The following DNAAF11 variants were observed in gnomAD, a reference collection of about 807,000 sequenced individuals.
DNAAF11 encodes dynein axonemal assembly factor 11, also known as leucine rich repeat containing 6.
In DNAAF11, 45 loss-of-function variants were observed where a neutral mutation model predicts 60.8. The ratio of observed to expected loss-of-function variants is 0.74; its 90% CI spans 0.58 to 0.95. The LOEUF (loss-of-function observed/expected upper bound fraction) is 0.95, where lower values mean the gene tolerates loss of function less well. Among genes scored for constraint, DNAAF11 ranks in the 40% least tolerant of loss-of-function variants. The pLI is 0.00. For synonymous variants in DNAAF11, 191 were observed against 183.5 expected, an observed-to-expected ratio of 1.04 and a Z score of -0.33; for missense variants, 546 against 546.2, an observed-to-expected ratio of 1.00 and a Z score of 0.00.
At chr8:132,612,571 T>C (rs537712362) in intron 8 of DNAAF11, among the ~76,000 whole-genome samples, 1 of 152,240 alleles carries the variant, frequency 6.6e-6, no homozygotes, top group South Asian at 2.1e-4. Context: ...ACTGTCCCTC[T>C]CCTTGACAGC....
chr8:132,670,359 T>A (rs1225736533), intron 1 of DNAAF11, among the ~76,000 whole-genome samples: 1 of 152,146 alleles, frequency 6.6e-6, no homozygotes, highest in Non-Finnish European at 1.5e-5. Flanking sequence ...TTTATGCCAA[T>A]AAATTCAAGA....
chr8:132,680,519 A>G (rs531269798), upstream of DNAAF11, among the ~76,000 whole-genome samples: 1 of 151,936 alleles, frequency 6.6e-6, no homozygotes, highest in Non-Finnish European at 1.5e-5. Context: ...TTATTTTTTT[A>G]TGATATGTAA....
intron 10 of DNAAF11, among the ~76,000 whole-genome samples, chr8:132,599,691 A>G (rs1817397962): frequency 6.6e-6 from 1 of 152,246 alleles, no homozygotes; most frequent in African/African-American, 2.4e-5. Flanking sequence ...TTATCTCAAT[A>G]GATGCAGAAA....
chr8:132,634,577 C>G (rs1288551175), intron 4 of DNAAF11, among the ~76,000 whole-genome samples: 1 of 151,564 alleles, frequency 6.6e-6, no homozygotes, highest in Non-Finnish European at 1.5e-5. Context: ...GGATTGGGAT[C>G]AAATCAATTT....
At chr8:132,661,086 T>C (rs1304159910) in intron 2 of DNAAF11, among the ~76,000 whole-genome samples, 1 of 152,154 alleles carries the variant, frequency 6.6e-6, no homozygotes, top group Non-Finnish European at 1.5e-5. Flanking sequence ...TGCAGTAACC[T>C]GACAAGGACT....
chr8:132,572,142 A>G lies in DNAAF11; in HGVS notation c.*164T>C. The G allele has an allele frequency of 2.0e-6, 1 of 494,732 alleles. No individual in the cohort carries two copies. The highest frequency in any genetic ancestry group is 3.6e-6 in the Non-Finnish European group (1 of 279,058). 30.6% of individuals were successfully genotyped at this position (494,732 alleles called of 1,614,324 possible). On this transcript the variant is annotated 3_prime_UTR_variant, in exon 12 of 12. Coordinates refer to ENST00000620350, the MANE Select transcript of DNAAF11 (RefSeq NM_012472.6). ...ATTTAAGACATACATTTTAATTTTA[A>G]GCTATCTTAAGGATATTACTATGCA...
At chr8:132,641,535 G>A (rs1373945526) in intron 3 of DNAAF11, among the ~76,000 whole-genome samples, 1 of 152,164 alleles carries the variant, frequency 6.6e-6, no homozygotes, top group Non-Finnish European at 1.5e-5. Context: ...GAGATGGGAG[G>A]AGGAAGAGAG....
the DNAAF11 span, among the ~76,000 whole-genome samples, chr8:132,681,827 A>C: frequency 6.6e-6 from 1 of 152,212 alleles, no homozygotes; most frequent in Non-Finnish European, 1.5e-5. Context: ...TACTGATTTG[A>C]ATATACTCAG....
At chr8:132,677,831 A>T (rs1177048359), upstream of DNAAF11, among the ~76,000 whole-genome samples, 3 of 152,174 alleles carry the variant, frequency 2.0e-5, no homozygotes, top group Non-Finnish European at 2.9e-5. Flanking sequence ...CTTCTGAGGA[A>T]AGGAGCCCTC....
chr8:132,602,286 C>T (rs1274184479), intron 10 of DNAAF11, among the ~76,000 whole-genome samples: 1 of 152,068 alleles, frequency 6.6e-6, no homozygotes, highest in African/African-American at 2.4e-5. Context: ...ACATCAATGT[C>T]ACTACCACCC....
chr8:132,616,011 C>T (rs976439694), intron 7 of DNAAF11, among the ~76,000 whole-genome samples: 1 of 152,062 alleles, frequency 6.6e-6, no homozygotes, highest in African/African-American at 2.4e-5. Context: ...TCTCAAATGA[C>T]CCATGCATTT....
chr8:132,631,236 C>T (rs190924082), intron 5 of DNAAF11, among the ~76,000 whole-genome samples: 11 of 152,264 alleles, frequency 7.2e-5, no homozygotes, highest in Non-Finnish European at 1.0e-4. Flanking sequence ...GGGAAAACAA[C>T]GTGCATGGCC....
At position 132,610,176 on chromosome 8, in the gene DNAAF11, C is replaced by G. The variant is rs766577073; in HGVS notation, c.1130G>C (p.Cys377Ser). 4 of 1,612,742 alleles carry G rather than the reference C, an allele frequency of 2.5e-6. No homozygotes were observed. In the South Asian group the frequency reaches 4.4e-5, roughly 18 times the overall value. Reference protein sequence around the residue: ...RSQTTGHLVICMPKVGEVITG... With the variant: ...RSQTTGHLVISMPKVGEVITG... ...AATGACATGACCTACCTTGGGCATG[C>G]AGATGACCAAATGACCCGTTGTCTG... Residue 377 changes from cysteine (C) to serine (S), a missense_variant, in exon 10 of 12, where the codon TGC becomes TCC. Physicochemically the swap from Cys to Ser is moderately radical, Grantham distance 112. Transcript: ENST00000620350.
chr8:132,655,796 G>A (rs1336097383), intron 3 of DNAAF11, among the ~76,000 whole-genome samples: 1 of 152,120 alleles, frequency 6.6e-6, no homozygotes, highest in Non-Finnish European at 1.5e-5. Flanking sequence ...ATTAGGGTAG[G>A]ATGGCTACTA....
At chr8:132,619,305 G>C (rs889814367) in intron 7 of DNAAF11, among the ~76,000 whole-genome samples, 1 of 151,910 alleles carries the variant, frequency 6.6e-6, no homozygotes, top group Non-Finnish European at 1.5e-5. Flanking sequence ...TTGTGGGGTG[G>C]GGGGATGGGG....
intron 1 of DNAAF11, among the ~76,000 whole-genome samples, chr8:132,673,436 C>A (rs931548678): frequency 6.6e-6 from 1 of 152,154 alleles, no homozygotes; most frequent in African/African-American, 2.4e-5. Flanking sequence ...TACTATCTCC[C>A]ACTCGAACTC....
intron 3 of DNAAF11, among the ~76,000 whole-genome samples, chr8:132,644,832 G>A (rs972023317): frequency 1.4e-4 from 21 of 152,282 alleles, no homozygotes; most frequent in East Asian, 1.9e-4. Context: ...CAAAGCAGCC[G>A]GGAAGCTCGA....
intron 3 of DNAAF11, among the ~76,000 whole-genome samples, chr8:132,646,127 C>T (rs1417561867): frequency 1.3e-5 from 2 of 152,210 alleles, no homozygotes; most frequent in South Asian, 4.1e-4. Context: ...ATCAGACTAA[C>T]AGCAGATCTC....
intron 10 of DNAAF11, among the ~76,000 whole-genome samples, chr8:132,594,639 T>C (rs1333274567): frequency 6.6e-6 from 1 of 152,050 alleles, no homozygotes; most frequent in Non-Finnish European, 1.5e-5. Context: ...GTTCTCTTCA[T>C]AGTGAGGGAG....
Sources: allele counts gnomAD v4.1 joint callset (sites outside exome capture counted in the v4.1 genomes callset), GRCh38; gene constraint gnomAD v4.1.1; transcripts MANE v1.5; gene names NCBI Gene and HGNC (gene_info 2026-07-23, HGNC 2026-07-21).